DNAI7: variants seen among roughly 807,000 people sequenced by gnomAD.
DNAI7 encodes dynein axonemal intermediate chain 7.
Under a neutral mutation model 86.6 loss-of-function variants are expected in DNAI7, and 78 were observed. The observed-to-expected ratio is 0.90, with a 90% confidence interval of 0.75 to 1.09. DNAI7 has a LOEUF of 1.09. DNAI7 is among the 50% of genes least tolerant of loss of function. The pLI is 0.00. For synonymous variants in DNAI7, 274 were observed against 273.0 expected (o/e 1.00, Z -0.04); for missense variants, 753 against 810.2 (o/e 0.93, Z 0.86).
At position 25,119,218 on chromosome 12, in the gene DNAI7, T is replaced by C; in HGVS notation, c.1323A>G (p.Ile441Met). The change falls in exon 12 of 16, where the codon ATA becomes ATG. Residue 441 changes from isoleucine to methionine, a missense_variant. Ile to Met is a conservative substitution (Grantham distance 10, BLOSUM62 1). Transcript: ENST00000395987. ...TCTCATGAACCTCAAGTGTGACCTC[T>C]ATAGGTGGGAAAGCATTTTCTGTCT... is the stretch of plus-strand genomic sequence containing the variant. ...EFETENAFPPIEVTLEVHENV... is the reference protein window; with the variant it reads ...EFETENAFPPMEVTLEVHENV... 1.9e-6 allele frequency: 3 copies of C among 1,613,062 alleles called. No individual in the cohort carries two copies. Among genetic ancestry groups the C allele is most frequent in the Non-Finnish European group, 2.5e-6 (3 of 1,179,274 alleles).
chr12:25,140,548 G>C (rs1389265502), intron 9 of DNAI7, among the ~76,000 whole-genome samples: 1 of 152,132 alleles, frequency 6.6e-6, no homozygotes, highest in African/African-American at 2.4e-5. Flanking sequence ...AAACACTGCT[G>C]AAAGAAATCA....
chr12:25,162,449 C>G (rs539268370), intron 2 of DNAI7, among the ~76,000 whole-genome samples: 1 of 152,148 alleles, frequency 6.6e-6, no homozygotes, highest in Non-Finnish European at 1.5e-5. Context: ...TAAGCAGATA[C>G]GAAAGCAATT....
intron 6 of DNAI7, among the ~76,000 whole-genome samples, chr12:25,152,138 T>C (rs1320827138): frequency 6.6e-6 from 1 of 152,240 alleles, no homozygotes; most frequent in East Asian, 1.9e-4. Flanking sequence ...ACAAGCTTCT[T>C]AGAATTTCTT....
At chr12:25,121,956 T>C (rs1941367412) in intron 10 of DNAI7, 43 bp from the exon 11 acceptor site, 1 of 1,337,556 alleles carries the variant, frequency 7.5e-7, no homozygotes. Context: ...GATTACAGTT[T>C]AGTATGTTCT....
At chr12:25,179,813 A>G (rs1364208006) in intron 2 of DNAI7, among the ~76,000 whole-genome samples, 1 of 152,138 alleles carries the variant, frequency 6.6e-6, no homozygotes, top group Non-Finnish European at 1.5e-5. Flanking sequence ...CCATCTATGT[A>G]TGACAAACCC....
chr12:25,190,647 CA>C lies in DNAI7; in HGVS notation c.4-17del. 2 of 1,392,734 alleles carry C rather than the reference CA, an allele frequency of 1.4e-6. No homozygotes were observed. Among genetic ancestry groups the C allele is most frequent in the South Asian group, 1.4e-5 (1 of 69,438 alleles). 86.3% of individuals were successfully genotyped at this position (1,392,734 alleles called of 1,614,324 possible). The stretch of plus-strand genomic sequence containing the variant: ...CTTTGGGACCCTAAAAGTTGGAAAA[CA>C]AAAGAATTGATCAATTTTAAAGACA... On this transcript the variant is annotated splice_polypyrimidine_tract_variant and intron_variant, in intron 1 of 15. Coordinates refer to ENST00000395987, the MANE Select transcript of DNAI7 (RefSeq NM_018272.5).
At chr12:25,133,825 T>G (rs532963226) in intron 9 of DNAI7, among the ~76,000 whole-genome samples, 8 of 152,322 alleles carry the variant, frequency 5.3e-5, no homozygotes, top group Admixed American at 2.6e-4. Flanking sequence ...CTAAATCCCA[T>G]GGATATAAAT....
At chr12:25,128,250 T>C (rs1256656973) in intron 9 of DNAI7, among the ~76,000 whole-genome samples, 1 of 152,230 alleles carries the variant, frequency 6.6e-6, no homozygotes, top group Admixed American at 6.5e-5. Context: ...CATCAAAAGA[T>C]AATTTAAATT....
intron 2 of DNAI7, among the ~76,000 whole-genome samples, chr12:25,167,273 C>G (rs1013897682): frequency 7.9e-5 from 12 of 152,150 alleles, no homozygotes; most frequent in African/African-American, 2.7e-4. Context: ...GTTCCATCTG[C>G]TATTCTACTA....
intron 4 of DNAI7, among the ~76,000 whole-genome samples, chr12:25,157,859 G>C (rs1314317102): frequency 1.4e-5 from 2 of 147,126 alleles, no homozygotes; most frequent in African/African-American, 5.0e-5. Flanking sequence ...TTTTGTTCCT[G>C]TTATCTTGTC....
At chr12:25,170,364 T>C (rs2141137263) in intron 2 of DNAI7, among the ~76,000 whole-genome samples, 1 of 151,262 alleles carries the variant, frequency 6.6e-6, no homozygotes, top group East Asian at 1.9e-4. Flanking sequence ...GCACTCCAGC[T>C]TGGGCAACAG....
chr12:25,139,204 A>T (rs1469217352), intron 9 of DNAI7, among the ~76,000 whole-genome samples: 1 of 152,060 alleles, frequency 6.6e-6, no homozygotes, highest in Non-Finnish European at 1.5e-5. Flanking sequence ...GCAAGACTGA[A>T]ATGGTAATTA....
At chr12:25,124,840 T>C (rs1397232207) in intron 9 of DNAI7, among the ~76,000 whole-genome samples, 2 of 152,156 alleles carry the variant, frequency 1.3e-5, no homozygotes, top group African/African-American at 4.8e-5. Flanking sequence ...TTCTCATCAT[T>C]TAGCTCCCAC....
At chr12:25,155,006 T>C (rs1056562085) in intron 5 of DNAI7, among the ~76,000 whole-genome samples, 2 of 152,240 alleles carry the variant, frequency 1.3e-5, no homozygotes, top group African/African-American at 4.8e-5. Flanking sequence ...TTATGCAGTT[T>C]TGAGCAAGAC....
intron 2 of DNAI7, among the ~76,000 whole-genome samples, chr12:25,172,613 A>G (rs1274677214): frequency 1.3e-5 from 2 of 152,356 alleles, no homozygotes; most frequent in East Asian, 3.9e-4. Flanking sequence ...TCTAAAATTC[A>G]TACAGAACCA....
rs1946381612 is a variant in DNAI7, at chr12:25,157,883, C to G, written c.198+589G>C. ...TGTTATCTTGTCTATACAACAGATT[C>G]ATGTATGCTTAAAGGTTACAAGCAT... On this transcript the variant is annotated intron_variant, in intron 4 of 15. Coordinates refer to ENST00000395987, the MANE Select transcript of DNAI7 (RefSeq NM_018272.5). 2.7e-5 allele frequency among the ~76,000 whole-genome samples: 4 copies of G among 149,124 alleles called. No individual in the cohort carries two copies. The Admixed American group carries it at 2.7e-4, about 10-fold the overall frequency.
chr12:25,121,886 G>C lies in DNAI7; in HGVS notation c.1106C>G (p.Ser369Cys). Residue 369 changes from serine to cysteine, a missense_variant, in exon 11 of 16, where the codon TCT becomes TGT. Ser to Cys is a moderately radical substitution (Grantham distance 112). Coordinates refer to ENST00000395987, the MANE Select transcript of DNAI7 (RefSeq NM_018272.5). ...AAQLLLVENS[S>C]EKPDFFEDNV... ...GTCTTCAAAGAAATCTGGCTTTTCAGAAGAATTCTCTACCAGCAACAACTG... is the reference window on the plus strand; with the variant it reads ...GTCTTCAAAGAAATCTGGCTTTTCACAAGAATTCTCTACCAGCAACAACTG... 1 of 1,590,318 alleles carries C rather than the reference G, an allele frequency of 6.3e-7. No homozygotes were observed. Among genetic ancestry groups the C allele is most frequent in the Non-Finnish European group, 8.5e-7 (1 of 1,173,928 alleles).
intron 12 of DNAI7, among the ~76,000 whole-genome samples, chr12:25,115,999 T>C (rs1225649981): frequency 6.6e-6 from 1 of 152,156 alleles, no homozygotes; most frequent in Non-Finnish European, 1.5e-5. Context: ...TGTATCACAA[T>C]GTGGTGTTTA....
chr12:25,150,479 C>T (rs1404613727), intron 6 of DNAI7, among the ~76,000 whole-genome samples: 3 of 151,758 alleles, frequency 2.0e-5, no homozygotes, highest in African/African-American at 7.3e-5. Flanking sequence ...TGGCGGGCGC[C>T]TGTAGGCCCA....
Sources: allele counts gnomAD v4.1 joint callset (sites outside exome capture counted in the v4.1 genomes callset), GRCh38; gene constraint gnomAD v4.1.1; transcripts MANE v1.5; gene names NCBI Gene and HGNC (gene_info 2026-07-23, HGNC 2026-07-21).